The following CDH20 variants were observed in gnomAD, a reference collection of about 807,000 sequenced individuals.
CDH20 encodes cadherin-20.
In CDH20, 29 loss-of-function variants were observed where a neutral mutation model predicts 74.2. That is an observed-to-expected ratio of 0.39 (90% CI 0.29 to 0.53). The LOEUF (loss-of-function observed/expected upper bound fraction) is 0.53, where lower values mean the gene tolerates loss of function less well. Ranked by LOEUF, CDH20 falls within the 20% of genes least tolerant of loss-of-function variation. The probability of loss-of-function intolerance (pLI) is 0.69; values close to 1 mark genes in which losing one functional copy is unlikely to be tolerated. For missense variants in CDH20, 988 were observed against 1,048.3 expected (o/e 0.94, Z 0.79); for synonymous variants, 469 against 405.4 (o/e 1.16, Z -1.88).
chr18:61,527,701 G>A (rs973460500), intron 6 of CDH20, among the ~76,000 whole-genome samples: 6 of 152,096 alleles, frequency 3.9e-5, no homozygotes, highest in African/African-American at 1.4e-4. Context: ...GAATAAACGG[G>A]CAAACTATTA....
At chr18:61,480,721 G>A (rs775412638) in intron 1 of CDH20, among the ~76,000 whole-genome samples, 1 of 152,114 alleles carries the variant, frequency 6.6e-6, no homozygotes, top group Non-Finnish European at 1.5e-5. Flanking sequence ...TTTCACATAG[G>A]TCACTGTAAT....
chr18:61,367,407 G>A (rs149999521), intron 1 of CDH20, among the ~76,000 whole-genome samples: 17 of 152,236 alleles, frequency 1.1e-4, no homozygotes, highest in African/African-American at 3.1e-4. Flanking sequence ...TTATTATTTC[G>A]TGGCTTGAGA....
At chr18:61,490,861 T>A (rs893217585) in intron 2 of CDH20, 62 bp downstream of exon 2, 10 of 1,230,442 alleles carry the variant, frequency 8.1e-6, no homozygotes, top group African/African-American at 3.0e-5. Context: ...ATGAATTGAG[T>A]ATCAAAGTTG....
At chr18:61,381,153 A>G (rs17809904) in intron 1 of CDH20, among the ~76,000 whole-genome samples, 27,027 of 152,186 alleles carry the variant, frequency 0.18, 2,497 homozygotes, top group Non-Finnish European at 0.21. Context: ...CTTAAAGAAG[A>G]AATTTAAATA....
chr18:61,398,691 T>G (rs1912064743), intron 1 of CDH20, among the ~76,000 whole-genome samples: 1 of 152,192 alleles, frequency 6.6e-6, no homozygotes, highest in African/African-American at 2.4e-5. Context: ...GCATTGAGAC[T>G]CCTGAGTATA....
At chr18:61,443,256 G>T (rs1429363841) in intron 1 of CDH20, among the ~76,000 whole-genome samples, 2 of 152,020 alleles carry the variant, frequency 1.3e-5, no homozygotes, top group Non-Finnish European at 2.9e-5. Flanking sequence ...AAAAAACTGG[G>T]CCAAACATGT....
chr18:61,358,852 T>G (rs961769081), intron 1 of CDH20, among the ~76,000 whole-genome samples: 12 of 152,228 alleles, frequency 7.9e-5, no homozygotes, highest in African/African-American at 2.9e-4. Flanking sequence ...GTTTGATATA[T>G]TCACTGGACT....
rs79763961 is a variant in CDH20, at chr18:61,360,195, C to G, written c.-153+26368C>G. ...GGAAACCCACATTTAACAAGCTCTTCAGACAATTTTGCTGCTAGATGATCT... is the reference window on the plus strand; with the variant it reads ...GGAAACCCACATTTAACAAGCTCTTGAGACAATTTTGCTGCTAGATGATCT... On this transcript the variant is annotated intron_variant, in intron 1 of 11. Coordinates refer to ENST00000262717, the MANE Select transcript of CDH20 (RefSeq NM_031891.4). Among the ~76,000 whole-genome samples the G allele has an allele frequency of 3.7e-3, 558 of 152,248 alleles. 4 individuals carry two copies. Among genetic ancestry groups the G allele is most frequent in the African/African-American group, 0.012 (518 of 41,542 alleles).
chr18:61,554,546 G>C lies in CDH20; in HGVS notation c.2257G>C (p.Asp753His). Residue 753 changes from aspartate to histidine, a missense_variant, in exon 12 of 12, where the codon GAC becomes CAC. By Grantham distance (81) the Asp-to-His change is moderately conservative. Transcript: ENST00000262717. ...DSLQTYMFEG[D>H]GSVAGSLSSL... Reference sequence around the variant, plus strand: ...CCTCCAGACGTATATGTTCGAGGGGGACGGCTCTGTGGCGGGGTCGCTGAG... The same window carrying C: ...CCTCCAGACGTATATGTTCGAGGGGCACGGCTCTGTGGCGGGGTCGCTGAG... 6.2e-7 allele frequency: 1 copy of C among 1,613,048 alleles called. No individual in the cohort carries two copies. Among genetic ancestry groups the C allele is most frequent in the Non-Finnish European group, 8.5e-7 (1 of 1,179,906 alleles).
intron 2 of CDH20, among the ~76,000 whole-genome samples, chr18:61,495,033 A>C (rs1911085674): frequency 6.6e-6 from 1 of 152,214 alleles, no homozygotes; most frequent in Admixed American, 6.5e-5. Flanking sequence ...TAAAAACTAA[A>C]GAATGATTAG....
intron 5 of CDH20, among the ~76,000 whole-genome samples, chr18:61,506,505 T>C (rs1020850918): frequency 6.6e-6 from 1 of 152,190 alleles, no homozygotes; most frequent in African/African-American, 2.4e-5. Context: ...ACGTACATAT[T>C]GAAAATGTGA....
At chr18:61,426,469 A>C (rs1053137961) in intron 1 of CDH20, among the ~76,000 whole-genome samples, 1 of 152,250 alleles carries the variant, frequency 6.6e-6, no homozygotes, top group Non-Finnish European at 1.5e-5. Context: ...AATTTTTAAT[A>C]GACCTAGCAA....
chr18:61,361,481 T>C (rs576782050), intron 1 of CDH20, among the ~76,000 whole-genome samples: 83 of 152,314 alleles, frequency 5.4e-4, no homozygotes, highest in Non-Finnish European at 9.7e-4. Context: ...ATCAGCCTTT[T>C]GAAATACATG....
chr18:61,554,656 G>A lies in CDH20; in HGVS notation c.2367G>A (p.Glu789=), dbSNP rs1158305785. The A allele has an allele frequency of 1.9e-6, 3 of 1,592,914 alleles. No homozygotes were observed. Among genetic ancestry groups the A allele is most frequent in the East Asian group, 2.3e-5 (1 of 44,334 alleles). ...DWGPRFRKLA[E]LYGASEGPAP... The stretch of plus-strand genomic sequence containing the variant: ...GGCCCCGCTTCCGGAAGCTGGCCGA[G>A]CTCTACGGGGCGTCGGAGGGACCCG... The change falls in exon 12 of 12, where the codon GAG becomes GAA. Residue 789 remains glutamate (E), a synonymous_variant. Coordinates refer to ENST00000262717, the MANE Select transcript of CDH20 (RefSeq NM_031891.4).
intron 2 of CDH20, among the ~76,000 whole-genome samples, chr18:61,496,667 T>C (rs1044302156): frequency 1.1e-4 from 16 of 152,146 alleles, no homozygotes; most frequent in Non-Finnish European, 1.9e-4. Context: ...GGATCACAGG[T>C]GTGCTGAATA....
chr18:61,548,129 C>T (rs1042767947), intron 10 of CDH20, among the ~76,000 whole-genome samples: 16 of 152,224 alleles, frequency 1.1e-4, no homozygotes, highest in Non-Finnish European at 2.2e-4. Context: ...GAAAGGTGCA[C>T]GGGTTGTTTG....
chr18:61,471,050 A>T (rs75423569), intron 1 of CDH20, among the ~76,000 whole-genome samples: 3,784 of 152,294 alleles, frequency 0.025, 165 homozygotes, highest in East Asian at 0.12. Context: ...TGAAAGAAAT[A>T]TATTATATTA....
chr18:61,453,025 C>T (rs983559912), intron 1 of CDH20, among the ~76,000 whole-genome samples: 19 of 152,146 alleles, frequency 1.2e-4, no homozygotes, highest in African/African-American at 4.6e-4. Flanking sequence ...ACCCCGTGCA[C>T]CCCACTGCTA....
At chr18:61,442,599 A>G (rs1042527482) in intron 1 of CDH20, among the ~76,000 whole-genome samples, 1 of 152,178 alleles carries the variant, frequency 6.6e-6, no homozygotes, top group Non-Finnish European at 1.5e-5. Context: ...AACCAATGGG[A>G]AAATGGCATC....
Sources: allele counts gnomAD v4.1 joint callset (sites outside exome capture counted in the v4.1 genomes callset), GRCh38; gene constraint gnomAD v4.1.1; transcripts MANE v1.5; gene names NCBI Gene and HGNC (gene_info 2026-07-23, HGNC 2026-07-21).